SLC1A3: variants seen among roughly 807,000 people sequenced by gnomAD.
SLC1A3 encodes the protein solute carrier family 1 member 3.
SLC1A3 carries 21 observed loss-of-function variants against 48.1 expected under a neutral mutation model. The ratio of observed to expected loss-of-function variants is 0.44; its 90% CI spans 0.31 to 0.63. SLC1A3 has a LOEUF of 0.63. SLC1A3 is among the 20% of genes least tolerant of loss of function. SLC1A3 has a pLI of 0.08. For synonymous variants in SLC1A3, 239 were observed against 251.4 expected, an observed-to-expected ratio of 0.95 and a Z score of 0.47; for missense variants, 546 against 689.0, an observed-to-expected ratio of 0.79 and a Z score of 2.32.
At chr5:36,645,700 T>C (rs915098049) in intron 3 of SLC1A3, among the ~76,000 whole-genome samples, 7 of 152,202 alleles carry the variant, frequency 4.6e-5, no homozygotes, top group African/African-American at 1.7e-4. Context: ...CCAACCATTC[T>C]CAGTAATTTT....
chr5:36,660,949 T>C (rs1741486147), intron 3 of SLC1A3, among the ~76,000 whole-genome samples: 1 of 152,150 alleles, frequency 6.6e-6, no homozygotes, highest in Non-Finnish European at 1.5e-5. Context: ...CTTTCTCCTC[T>C]TGTCATTCTC....
Position 36,680,516 on chromosome 5 carries a change from G to A in SLC1A3, c.1216G>A (p.Glu406Lys). The A allele has an allele frequency of 6.2e-7, 1 of 1,614,216 alleles. No homozygotes were observed. Among genetic ancestry groups the A allele is most frequent in the Non-Finnish European group, 8.5e-7 (1 of 1,180,020 alleles). The change falls in exon 8 of 10, where the codon GAG becomes AAG. Residue 406 changes from glutamate to lysine, a missense_variant. Glu to Lys is a moderately conservative substitution (Grantham distance 56). Transcript: ENST00000265113. The part of the protein sequence containing the change: ...TINMDGTALY[E>K]ALAAIFIAQV... Reference sequence around the variant, plus strand: ...TAACATGGATGGGACTGCCCTCTATGAGGCTTTGGCTGCCATTTTCATTGC... The same window carrying A: ...TAACATGGATGGGACTGCCCTCTATAAGGCTTTGGCTGCCATTTTCATTGC...
At chr5:36,665,651 G>A (rs1741710303) in intron 3 of SLC1A3, among the ~76,000 whole-genome samples, 1 of 152,150 alleles carries the variant, frequency 6.6e-6, no homozygotes, top group Non-Finnish European at 1.5e-5. Context: ...TTTCTATATG[G>A]AAGCCCCTTT....
intron 3 of SLC1A3, among the ~76,000 whole-genome samples, chr5:36,657,546 C>T (rs1029335580): frequency 6.6e-6 from 1 of 152,162 alleles, no homozygotes. Context: ...AACGACTCAA[C>T]AACATAGAAG....
intron 3 of SLC1A3, among the ~76,000 whole-genome samples, chr5:36,659,531 G>A (rs945590814): frequency 2.6e-5 from 4 of 152,124 alleles, no homozygotes; most frequent in African/African-American, 9.7e-5. Flanking sequence ...AGAGAGTGAG[G>A]GATTACATAC....
intron 9 of SLC1A3, 98 bp downstream of exon 9, chr5:36,684,096 TGAGGA>T (rs2111983554): frequency 6.8e-7 from 1 of 1,462,048 alleles, no homozygotes; most frequent in African/African-American, 1.4e-5. Flanking sequence ...GAAAGAACTC[TGAGGA>T]GAGGGGCCTC....
chr5:36,641,939 A>C (rs1740632219), intron 3 of SLC1A3, among the ~76,000 whole-genome samples: 1 of 152,256 alleles, frequency 6.6e-6, no homozygotes, highest in South Asian at 2.1e-4. Context: ...AGCATGATTG[A>C]CAATTTCAAA....
At chr5:36,622,205 T>C (rs1171642341) in intron 2 of SLC1A3, among the ~76,000 whole-genome samples, 2 of 152,198 alleles carry the variant, frequency 1.3e-5, no homozygotes, top group Admixed American at 6.5e-5. Context: ...CTCATCTTGG[T>C]CAGGCACTTA....
At chr5:36,673,186 A>C (rs1171685365) in intron 4 of SLC1A3, among the ~76,000 whole-genome samples, 1 of 152,206 alleles carries the variant, frequency 6.6e-6, no homozygotes, top group Non-Finnish European at 1.5e-5. Context: ...AGAAAGGGAC[A>C]AGCATTTATA....
At chr5:36,679,939 AT>A in intron 7 of SLC1A3, 79 bp downstream of exon 7, 1 of 953,054 alleles carries the variant, frequency 1.0e-6, no homozygotes, top group Non-Finnish European at 1.7e-6. Context: ...AGGAGAAGCC[AT>A]TTTATTCTGA....
intron 3 of SLC1A3, among the ~76,000 whole-genome samples, chr5:36,635,804 A>G (rs561538758): frequency 6.6e-6 from 1 of 152,202 alleles, no homozygotes; most frequent in East Asian, 1.9e-4. Context: ...TTAACACTCA[A>G]ACACACTTCA....
chr5:36,684,996 T>G (rs563765040), intron 9 of SLC1A3, among the ~76,000 whole-genome samples: 2 of 152,340 alleles, frequency 1.3e-5, no homozygotes, highest in African/African-American at 4.8e-5. Flanking sequence ...CATATAAAGC[T>G]ACAGTTCTCC....
chr5:36,634,537 A>G (rs549846603), intron 3 of SLC1A3, among the ~76,000 whole-genome samples: 1 of 152,294 alleles, frequency 6.6e-6, no homozygotes, highest in South Asian at 2.1e-4. Context: ...GTCCCTTCCA[A>G]ATGACTGTCC....
chr5:36,675,820 C>T (rs982990705), intron 5 of SLC1A3, among the ~76,000 whole-genome samples: 6 of 152,108 alleles, frequency 3.9e-5, no homozygotes, highest in African/African-American at 1.4e-4. Flanking sequence ...TAGTTGTTTC[C>T]CAGTGGATAA....
intron 3 of SLC1A3, among the ~76,000 whole-genome samples, chr5:36,655,747 T>C (rs753053140): frequency 3.3e-5 from 5 of 152,222 alleles, no homozygotes; most frequent in Non-Finnish European, 7.3e-5. Flanking sequence ...TCAAGCCTTT[T>C]GGGTTCCTTG....
At chr5:36,671,473 G>A (rs192167694) in intron 4 of SLC1A3, among the ~76,000 whole-genome samples, 11 of 152,240 alleles carry the variant, frequency 7.2e-5, no homozygotes, top group African/African-American at 1.9e-4. Flanking sequence ...CTTGCTTTTC[G>A]GATTCAGAAT....
chr5:36,613,155 T>C (rs1333842242), intron 2 of SLC1A3: 1 of 233,434 alleles, frequency 4.3e-6, no homozygotes, highest in Non-Finnish European at 8.7e-6. Flanking sequence ...GAGGTGCATA[T>C]ACAATGGAAG....
At chr5:36,646,329 C>T (rs1324851662) in intron 3 of SLC1A3, among the ~76,000 whole-genome samples, 1 of 152,180 alleles carries the variant, frequency 6.6e-6, no homozygotes. Context: ...CACTTGGTTT[C>T]CTCTGTGTGT....
At chr5:36,614,451 A>T (rs1215530919) in intron 2 of SLC1A3, among the ~76,000 whole-genome samples, 1 of 152,130 alleles carries the variant, frequency 6.6e-6, no homozygotes, top group Non-Finnish European at 1.5e-5. Flanking sequence ...TAATAGTTGT[A>T]ACGGGCTTTT....
Sources: gnomAD v4.1 joint callset for allele counts (sites outside exome capture counted in the v4.1 genomes callset) on GRCh38, gnomAD v4.1.1 for gene constraint, MANE v1.5 for transcripts, NCBI Gene and HGNC (gene_info 2026-07-23, HGNC 2026-07-21) for gene names.